LCT: variants seen among roughly 807,000 people sequenced by gnomAD.
LCT encodes lactase, also known as lactase/phlorizin hydrolase.
In LCT, 90 loss-of-function variants were observed where a neutral mutation model predicts 173.0. The observed-to-expected ratio is 0.52, with a 90% CI of 0.44 to 0.62. The LOEUF is 0.62. Ranked by LOEUF, LCT falls within the 20% of genes least tolerant of loss-of-function variation. The pLI is 0.00. For synonymous variants in LCT, 853 were observed against 957.6 expected, an observed-to-expected ratio of 0.89 and a Z score of 2.02; for missense variants, 1,864 against 2,431.4, an observed-to-expected ratio of 0.77 and a Z score of 4.91.
chr2:135,800,481 T>A, intron 12 of LCT, 126 bp downstream of exon 12: 1 of 833,814 alleles, frequency 1.2e-6, no homozygotes, highest in Non-Finnish European at 2.0e-6. Flanking sequence ...TGCCTCAGAC[T>A]TCCAAAGTGC....
intron 5 of LCT, among the ~76,000 whole-genome samples, chr2:135,818,833 G>A (rs866609832): frequency 2.4e-4 from 36 of 152,244 alleles, no homozygotes; most frequent in Admixed American, 7.2e-4. Context: ...GTGAAACTCC[G>A]TCTAAAAAAA....
chr2:135,794,451 C>T (rs2077561374), intron 14 of LCT, 190 bp downstream of exon 14: 2 of 652,804 alleles, frequency 3.1e-6, no homozygotes, highest in Admixed American at 4.8e-5. Flanking sequence ...CCTGGAGACC[C>T]CGGCCTTCTC....
At chr2:135,818,107 T>C in intron 5 of LCT, 46 bp from the exon 6 acceptor site, 1 of 1,610,872 alleles carries the variant, frequency 6.2e-7, no homozygotes, top group South Asian at 1.1e-5. Context: ...TGAATGACGC[T>C]GGCAGTTACA....
At chr2:135,807,573 C>T (rs767877877) in intron 8 of LCT, among the ~76,000 whole-genome samples, 177 bp from the exon 9 acceptor site, 1 of 152,148 alleles carries the variant, frequency 6.6e-6, no homozygotes, top group Non-Finnish European at 1.5e-5. Flanking sequence ...TATGACCCCA[C>T]AGCAAGCATT....
rs2077697451 is a variant in LCT, at chr2:135,808,598, G to A, written c.3749C>T (p.Pro1250Leu). 1.2e-6 allele frequency: 2 copies of A among 1,614,190 alleles called. No individual in the cohort carries two copies. The highest frequency in any genetic ancestry group is 1.7e-6 in the Non-Finnish European group (2 of 1,180,038). ...GTTCAGCAGCCTTCGCGTCCCCCAG[G>A]GCGCAGCTCTGTTCATTGCCGTGGA... ...WPSTAMNRAA[P>L]WGTRRLLNWI... is the part of the protein sequence containing the mutation. The change falls in exon 8 of 17, where the codon CCC becomes CTC. Residue 1250 changes from proline (P) to leucine (L), a missense_variant. Pro to Leu is a moderately conservative substitution (Grantham distance 98). Coordinates refer to ENST00000264162, the MANE Select transcript of LCT (RefSeq NM_002299.4).
At position 135,790,632 on chromosome 2, in the gene LCT, G is replaced by T. The variant is rs758941988; in HGVS notation, c.5335+26C>A. ...ATGTTTCCAACAGGGGAAGGTGCACGCTGGGGAAGGGCGGGCCCGTCGTAC... is the reference window on the plus strand; with the variant it reads ...ATGTTTCCAACAGGGGAAGGTGCACTCTGGGGAAGGGCGGGCCCGTCGTAC... On this transcript the variant is annotated intron_variant, in intron 15 of 16. Transcript: ENST00000264162. This position sits in a 1 kb window ranked among gnomAD's most constrained non-coding sequence, Gnocchi z 4.1. 3 of 1,457,646 alleles carry T rather than the reference G, an allele frequency of 2.1e-6. No individual in the cohort carries two copies. Among genetic ancestry groups the T allele is most frequent in the Non-Finnish European group, 1.9e-6 (2 of 1,038,920 alleles). The allele number at this position is 1,457,646 out of a possible 1,614,324, so 90.3% of individuals were successfully genotyped here.
chr2:135,831,830 C>T (rs1216849118), intron 2 of LCT, among the ~76,000 whole-genome samples: 1 of 152,164 alleles, frequency 6.6e-6, no homozygotes, highest in Admixed American at 6.5e-5. Context: ...ACTACGGAGA[C>T]CGGCGGTGGT....
At position 135,823,247 on chromosome 2, in the gene LCT, T is replaced by C. The variant is rs991879907; in HGVS notation, c.907+654A>G. Among the ~76,000 whole-genome samples the C allele has an allele frequency of 3.3e-5, 5 of 152,316 alleles. No individual in the cohort carries two copies. The East Asian group carries it at 9.6e-4, about 29-fold the overall frequency. ...CAGGGCCCTCAGGCACATTCCTCTC[T>C]GCCCCTTCCTCCCTTCTTGCAGAGT... On this transcript the variant is annotated intron_variant, in intron 4 of 16. Transcript: ENST00000264162.
chr2:135,789,830 TC>T (rs756949039), intron 15 of LCT, 32 bp from the exon 16 acceptor site: 3 of 1,574,532 alleles, frequency 1.9e-6, no homozygotes, highest in Non-Finnish European at 2.6e-6. Context: ...GGCATAAGTT[TC>T]CTATCTCATA....
intron 9 of LCT, 22 bp from the exon 10 acceptor site, chr2:135,805,079 CTTA>C (rs2105529477): frequency 6.2e-7 from 1 of 1,612,684 alleles, no homozygotes; most frequent in East Asian, 2.2e-5. Context: ...AAGACATGGT[CTTA>C]TTAAGTCATT....
At chr2:135,791,187 T>A (rs1266040624) in intron 14 of LCT, among the ~76,000 whole-genome samples, 1 of 152,252 alleles carries the variant, frequency 6.6e-6, no homozygotes, top group Admixed American at 6.5e-5. Flanking sequence ...AATAGATGGC[T>A]CCTTACACCA....
intron 1 of LCT, among the ~76,000 whole-genome samples, chr2:135,835,494 A>AC (rs1298793930): frequency 1.3e-4 from 8 of 61,404 alleles, no homozygotes; most frequent in Non-Finnish European, 2.1e-4. Flanking sequence ...ATATATATAT[A>AC]TATATATATA....
At chr2:135,799,512 C>T (rs1476857970) in intron 12 of LCT, among the ~76,000 whole-genome samples, 1 of 150,974 alleles carries the variant, frequency 6.6e-6, no homozygotes, top group Non-Finnish European at 1.5e-5. Flanking sequence ...GAGTCTCTCT[C>T]CATTGCTCAG....
intron 4 of LCT, among the ~76,000 whole-genome samples, chr2:135,823,683 T>C (rs2077856702): frequency 6.6e-6 from 1 of 152,194 alleles, no homozygotes; most frequent in African/African-American, 2.4e-5. Context: ...GAGGCATCCT[T>C]GTGTCGAACC....
At chr2:135,824,292 G>A (rs1479987422) in intron 3 of LCT, among the ~76,000 whole-genome samples, 2 of 152,164 alleles carry the variant, frequency 1.3e-5, no homozygotes, top group East Asian at 1.9e-4. Flanking sequence ...TCAGGAACAA[G>A]GCCACTGCTC....
At chr2:135,817,190 T>G in intron 6 of LCT, 151 bp downstream of exon 6, 1 of 957,292 alleles carries the variant, frequency 1.0e-6, no homozygotes, top group Non-Finnish European at 1.6e-6. Flanking sequence ...ACAATTTAAT[T>G]AACAATTTAT....
intron 3 of LCT, among the ~76,000 whole-genome samples, chr2:135,826,588 G>A (rs2077890957): frequency 6.6e-6 from 1 of 151,936 alleles, no homozygotes; most frequent in Non-Finnish European, 1.5e-5. Flanking sequence ...TGTTGTGATG[G>A]AAAAAGGGAA....
At position 135,833,225 on chromosome 2, in the gene LCT, C is replaced by G. The variant is rs3754688; in HGVS notation, c.641-35G>C. 1.2e-3 allele frequency: 1,815 copies of G among 1,509,110 alleles called. 16 individuals are homozygous for G. In the African/African-American group the frequency reaches 0.022, roughly 18 times the overall value. The allele number at this position is 1,509,110 out of a possible 1,614,324, so 93.5% of individuals were successfully genotyped here. On this transcript the variant is annotated intron_variant, in intron 1 of 16. Coordinates refer to ENST00000264162, the MANE Select transcript of LCT (RefSeq NM_002299.4). ...ACCAGAGACACGAACAGCAGGTGAG[C>G]GAGGGCAGGAGGCTCTGACTGTGGA...
At chr2:135,829,374 C>T (rs1215647813) in intron 3 of LCT, among the ~76,000 whole-genome samples, 1 of 152,106 alleles carries the variant, frequency 6.6e-6, no homozygotes, top group Non-Finnish European at 1.5e-5. Context: ...TAAATATTCA[C>T]CTTAACAAGC....
Sources: allele counts gnomAD v4.1 joint callset (sites outside exome capture counted in the v4.1 genomes callset), GRCh38; gene constraint gnomAD v4.1.1; non-coding constraint Gnocchi (gnomAD v3.1); transcripts MANE v1.5; gene names NCBI Gene and HGNC (gene_info 2026-07-23, HGNC 2026-07-21).